Variants in TENM4 observed in about 807,000 individuals in gnomAD.
TENM4 encodes the protein teneurin transmembrane protein 4.
Under a neutral mutation model 243.3 loss-of-function variants are expected in TENM4, and 82 were observed. The ratio of observed to expected loss-of-function variants is 0.34; its 90% CI spans 0.28 to 0.40. TENM4 has a LOEUF of 0.40. Ranked by LOEUF, TENM4 falls within the 10% of genes least tolerant of loss-of-function variation. The pLI is 1.00. For synonymous variants in TENM4, 1,412 were observed against 1,456.3 expected, an observed-to-expected ratio of 0.97 and a Z score of 0.69; for missense variants, 3,138 against 3,673.3, an observed-to-expected ratio of 0.85 and a Z score of 3.77.
At chr11:79,209,498 C>G (rs1182959629) in intron 3 of TENM4, among the ~76,000 whole-genome samples, 1 of 152,208 alleles carries the variant, frequency 6.6e-6, no homozygotes, top group East Asian at 1.9e-4. Context: ...TTCTTCTTCC[C>G]TAAGCCTATT....
At chr11:79,319,870 C>T (rs970111244) in intron 1 of TENM4, among the ~76,000 whole-genome samples, 3 of 152,160 alleles carry the variant, frequency 2.0e-5, no homozygotes, top group Non-Finnish European at 4.4e-5. Context: ...AAGCTCCATC[C>T]CTAGTCCCCT....
intron 3 of TENM4, chr11:79,191,815 C>A: frequency 5.2e-6 from 1 of 191,816 alleles, no homozygotes; most frequent in Non-Finnish European, 1.1e-5. Flanking sequence ...TCTGCCCGGC[C>A]GCCCCGTCTG....
chr11:79,278,259 G>A (rs1856094939), intron 2 of TENM4, among the ~76,000 whole-genome samples: 1 of 152,174 alleles, frequency 6.6e-6, no homozygotes, highest in Non-Finnish European at 1.5e-5. Context: ...CATTCACTGA[G>A]AAAGGAATAG....
At chr11:78,903,564 G>A in intron 6 of TENM4, 41 bp from the exon 7 acceptor site, 1 of 1,540,164 alleles carries the variant, frequency 6.5e-7, no homozygotes, top group Non-Finnish European at 8.7e-7. Context: ...TGAGCTTGGT[G>A]CTGCCCCTCG....
chr11:78,732,193 GCTGATGGGAC>G (rs1855685215), intron 21 of TENM4, 113 bp downstream of exon 21: 7 of 1,362,276 alleles, frequency 5.1e-6, no homozygotes, highest in Non-Finnish European at 6.9e-6. Context: ...TGCATAACAG[GCTGATGGGAC>G]CTGACCCAAG....
chr11:78,726,094 G>A lies in TENM4; in HGVS notation c.3535C>T (p.Leu1179Phe), dbSNP rs755745184. The A allele has an allele frequency of 2.5e-6, 4 of 1,613,982 alleles. No homozygotes were observed. The East Asian group carries it at 8.9e-5, about 36-fold the overall frequency. The change falls in exon 23 of 34, where the codon CTC (leucine) becomes TTC (phenylalanine). Residue 1179 changes from leucine to phenylalanine, a missense_variant. Transcript: ENST00000278550. Reference sequence around the variant, plus strand: ...ATCCACTTACCACTTTGAATGTTGAGGGCATGATGTTTGTCTAGGCTCCAT... The same window carrying A: ...ATCCACTTACCACTTTGAATGTTGAAGGCATGATGTTTGTCTAGGCTCCAT... ...GGWSLDKHHALNIQSGILHKG... is the reference protein window; with the variant it reads ...GGWSLDKHHAFNIQSGILHKG...
rs1210101121 is a variant in TENM4 at position 79,064,116 on chromosome 11, C to G, written c.493+622G>C. On this transcript the variant is annotated intron_variant, in intron 6 of 33. Transcript: ENST00000278550. Reference sequence around the variant, plus strand: ...TTTTGTGGTGAGAATATTTAAAAATCTACTCTTTTAGCAACTCTGAAATAT... The same window carrying G: ...TTTTGTGGTGAGAATATTTAAAAATGTACTCTTTTAGCAACTCTGAAATAT... Among the ~76,000 whole-genome samples the G allele has an allele frequency of 2.0e-5, 3 of 152,014 alleles. No homozygotes were observed. The East Asian group carries it at 5.8e-4, about 29-fold the overall frequency.
chr11:79,365,417 G>A (rs569755066), intron 1 of TENM4, among the ~76,000 whole-genome samples: 1 of 152,238 alleles, frequency 6.6e-6, no homozygotes. Flanking sequence ...TTAATTGGGA[G>A]GTTCTGAAAT....
At chr11:78,993,988 A>C (rs2136674380) in intron 6 of TENM4, among the ~76,000 whole-genome samples, 1 of 152,242 alleles carries the variant, frequency 6.6e-6, no homozygotes, top group South Asian at 2.1e-4. Context: ...AAAAATGTTG[A>C]GTTTTTGCTT....
intron 1 of TENM4, among the ~76,000 whole-genome samples, chr11:79,369,001 T>C (rs1857729567): frequency 6.6e-6 from 1 of 152,206 alleles, no homozygotes; most frequent in Non-Finnish European, 1.5e-5. Flanking sequence ...GGGGCTTTGG[T>C]GGTTGCAATG....
intron 3 of TENM4, among the ~76,000 whole-genome samples, chr11:79,162,839 A>C (rs1862781054): frequency 6.6e-6 from 1 of 152,180 alleles, no homozygotes. Context: ...CCAGCTGTTC[A>C]TCTGCTGCAC....
intron 19 of TENM4, among the ~76,000 whole-genome samples, chr11:78,745,223 T>C (rs941943876): frequency 2.1e-5 from 3 of 143,608 alleles, no homozygotes; most frequent in Non-Finnish European, 4.5e-5. Context: ...TTTTTTTTCT[T>C]TTTCTTTTTT....
chr11:78,734,362 T>C (rs966875159), intron 20 of TENM4, among the ~76,000 whole-genome samples: 5 of 152,162 alleles, frequency 3.3e-5, no homozygotes, highest in African/African-American at 9.7e-5. Context: ...GTTCCTTCTA[T>C]AGAACCACCA....
chr11:78,994,905 T>C (rs1858133885), intron 6 of TENM4, among the ~76,000 whole-genome samples: 1 of 152,190 alleles, frequency 6.6e-6, no homozygotes, highest in Admixed American at 6.5e-5. Context: ...TGCAAAACAC[T>C]GGGGTGTGCA....
At chr11:79,325,724 T>A (rs1475653164) in intron 1 of TENM4, among the ~76,000 whole-genome samples, 1 of 152,186 alleles carries the variant, frequency 6.6e-6, no homozygotes, top group Non-Finnish European at 1.5e-5. Context: ...GAACAGAGGT[T>A]ATTGTGATCA....
chr11:78,837,043 C>T (rs543574654), intron 12 of TENM4, among the ~76,000 whole-genome samples: 1 of 152,246 alleles, frequency 6.6e-6, no homozygotes, highest in Admixed American at 6.5e-5. Flanking sequence ...GAGGAGGAAA[C>T]TCTTAGAAAA....
rs146986904 is a variant in TENM4, at chr11:79,363,753, A to T, written c.-320-66210T>A. ...TGTCTTCATGTTGTTTTACTAAATGATACTAAAAATAATAGATTGCACATA... is the reference window on the plus strand; with the variant it reads ...TGTCTTCATGTTGTTTTACTAAATGTTACTAAAAATAATAGATTGCACATA... On this transcript the variant is annotated intron_variant, in intron 1 of 33. Transcript: ENST00000278550. Among the ~76,000 whole-genome samples, 120 of 152,358 alleles carry T rather than the reference A, an allele frequency of 7.9e-4. 1 individual carries two copies. The highest frequency in any genetic ancestry group is 2.7e-3 in the African/African-American group (112 of 41,574).
chr11:78,957,023 C>T (rs1211887130), intron 6 of TENM4, among the ~76,000 whole-genome samples: 1 of 152,158 alleles, frequency 6.6e-6, no homozygotes, highest in Non-Finnish European at 1.5e-5. Context: ...TTAGAATACC[C>T]TTCATCCCTC....
intron 12 of TENM4, among the ~76,000 whole-genome samples, chr11:78,841,515 C>G (rs899712797): frequency 5.9e-5 from 9 of 152,098 alleles, no homozygotes; most frequent in African/African-American, 1.7e-4. Flanking sequence ...AGGTTGATCT[C>G]ATCTTCCTTG....
Sources: allele counts gnomAD v4.1 joint callset (sites outside exome capture counted in the v4.1 genomes callset), GRCh38; gene constraint gnomAD v4.1.1; transcripts MANE v1.5; gene names NCBI Gene and HGNC (gene_info 2026-07-23, HGNC 2026-07-21).